The following HDAC10 variants were observed in gnomAD, a reference collection of about 807,000 sequenced individuals.
The protein encoded by HDAC10 is polyamine deacetylase HDAC10.
HDAC10 carries 90 observed loss-of-function variants against 82.3 expected under a neutral mutation model. That is an observed-to-expected ratio of 1.09 (90% CI 0.92 to 1.30). The LOEUF is 1.30. Ranked by LOEUF, HDAC10 falls within the 50% of genes most tolerant of loss-of-function variation. HDAC10 has a pLI of 0.00. For synonymous variants in HDAC10, 456 were observed against 391.7 expected (o/e 1.16, Z -1.94); for missense variants, 934 against 876.3 (o/e 1.07, Z -0.83).
In HDAC10 at chr22:50,249,955, C is replaced by A; in HGVS notation, c.399G>T (p.Gly133=). Residue 133 remains glycine, a synonymous_variant, in exon 5 of 20, where the codon GGG becomes GGT. Transcript: ENST00000216271. The surrounding 1 kb of genome is among the most constrained non-coding windows in gnomAD (Gnocchi z 4.4). ...QNGLALVRPP[G]HHGQRAAANG... Reference sequence around the variant, plus strand: ...TGGCAGCCGCCCTCTGGCCATGGTGCCCGGGAGGCCTACGGCGTGAGAGTA... The same window carrying A: ...TGGCAGCCGCCCTCTGGCCATGGTGACCGGGAGGCCTACGGCGTGAGAGTA... The A allele has an allele frequency of 1.2e-6, 2 of 1,612,640 alleles. No homozygotes were observed. Among genetic ancestry groups the A allele is most frequent in the South Asian group, 2.2e-5 (2 of 91,070 alleles).
chr22:50,250,068 C>T lies in HDAC10; in HGVS notation c.384G>A (p.Leu128=), dbSNP rs2147244405. The part of the protein sequence containing the change: ...LTGAVQNGLA[L]VRPPGHHGQR... ...GGGGAAGGGGCAGCTCTCACCTCAC[C>T]AGGGCAAGCCCATTTTGCACAGCTC... The change falls in exon 4 of 20, where the codon CTG becomes CTA. Residue 128 remains leucine, a synonymous_variant. Transcript: ENST00000216271. 1 of 1,612,696 alleles carries T rather than the reference C, an allele frequency of 6.2e-7. No homozygotes were observed. Among genetic ancestry groups the T allele is most frequent in the South Asian group, 1.1e-5 (1 of 91,090 alleles).
chr22:50,250,420 C>G lies in HDAC10; in HGVS notation c.291+7G>C, dbSNP rs1248288611. ...CTGCACAGGTGAGTGTGTCCGGGGACACGCACCGGGTGGAAGTAGATGGCG... is the reference window on the plus strand; with the variant it reads ...CTGCACAGGTGAGTGTGTCCGGGGAGACGCACCGGGTGGAAGTAGATGGCG... On this transcript the variant is annotated splice_region_variant and intron_variant, in intron 3 of 19. Transcript: ENST00000216271. The G allele has an allele frequency of 1.2e-6, 2 of 1,611,672 alleles. No homozygotes were observed. Among genetic ancestry groups the G allele is most frequent in the Non-Finnish European group, 1.7e-6 (2 of 1,178,786 alleles).
Position 50,245,303 on chromosome 22 carries a change from G to A in HDAC10, c.*204C>T. 2 of 615,308 alleles carry A rather than the reference G, an allele frequency of 3.3e-6. No individual in the cohort carries two copies. The highest frequency in any genetic ancestry group is 1.8e-5 in the South Asian group (1 of 54,258). 38.1% of individuals were successfully genotyped at this position (615,308 alleles called of 1,614,324 possible). On this transcript the variant is annotated 3_prime_UTR_variant, in exon 20 of 20. Transcript: ENST00000216271. ...GCCTCGATGGGACGGGCCGGGGCGCGATGGGTGGGGCGGGGGCGAGGTGAG... is the reference window on the plus strand; with the variant it reads ...GCCTCGATGGGACGGGCCGGGGCGCAATGGGTGGGGCGGGGGCGAGGTGAG...
Position 50,246,882 on chromosome 22 carries a change from C to T in HDAC10, c.1507G>A (p.Ala503Thr), listed in dbSNP as rs545428966. Residue 503 changes from alanine (A) to threonine (T), a missense_variant, in exon 15 of 20, where the codon GCC becomes ACC. Physicochemically the swap from Ala to Thr is moderately conservative, Grantham distance 58. Transcript: ENST00000216271. ...TGGCCAAGTGAGGCTTACCTCTGGG[C>T]TCCGTGGGACAGGCCTCTCCGAACA... ...VAVRRGLSHG[A>T]QRLLCVALGQ... is the part of the protein sequence containing the mutation. 4.3e-6 allele frequency: 7 copies of T among 1,611,514 alleles called. No individual in the cohort carries two copies. The Admixed American group carries it at 5.0e-5, about 12-fold the overall frequency.
In HDAC10 at chr22:50,246,742, G is replaced by C. The variant is rs760650979; in HGVS notation, c.1515-7C>G. On this transcript the variant is annotated splice_polypyrimidine_tract_variant and splice_region_variant and intron_variant, in intron 15 of 19. Transcript: ENST00000216271. ...CAGGGCCACGCACAGCAGCCTGGAA[G>C]AAGAGCTGGCCTCAGGACAGGTGTT... 3 of 1,612,756 alleles carry C rather than the reference G, an allele frequency of 1.9e-6. No individual in the cohort carries two copies. The African/African-American group carries it at 4.0e-5, about 22-fold the overall frequency.
Position 50,249,855 on chromosome 22 carries a change from C to T in HDAC10, c.494+5G>A. 1 of 1,611,034 alleles carries T rather than the reference C, an allele frequency of 6.2e-7. No homozygotes were observed. Among genetic ancestry groups the T allele is most frequent in the Non-Finnish European group, 8.5e-7 (1 of 1,178,378 alleles). On this transcript the variant is annotated splice_donor_5th_base_variant and intron_variant, in intron 5 of 19. Transcript: ENST00000216271. The surrounding 1 kb of genome is among the most constrained non-coding windows in gnomAD (Gnocchi z 4.4). ...CCACCCCCCTGCAGCCAGCCTGGCA[C>T]ACACCTGTGTAGCCCGTGTTTCTGC...
chr22:50,249,536 G>A lies in HDAC10; in HGVS notation c.564-82C>T, dbSNP rs902736094. On this transcript the variant is annotated intron_variant, in intron 6 of 19. Transcript: ENST00000216271. This position sits in a 1 kb window ranked among gnomAD's most constrained non-coding sequence, Gnocchi z 4.4. The stretch of plus-strand genomic sequence containing the variant: ...AGCTCCCTGTAGAACGCTGACCCCT[G>A]AGCACATGTCTGTATCTCACCCCTG... 2.4e-5 allele frequency: 39 copies of A among 1,605,454 alleles called. No individual in the cohort carries two copies. Among genetic ancestry groups the A allele is most frequent in the Non-Finnish European group, 3.2e-5 (38 of 1,174,580 alleles).
Position 50,247,068 on chromosome 22 carries a change from G to A in HDAC10, c.1423-102C>T, listed in dbSNP as rs1214000490. 7.6e-6 allele frequency: 5 copies of A among 660,332 alleles called. No homozygotes were observed. The East Asian group carries it at 1.1e-4, about 15-fold the overall frequency. 40.9% of individuals were successfully genotyped at this position (660,332 alleles called of 1,614,324 possible). A position where few individuals can be genotyped will look rare whatever the true frequency, so the allele number is the denominator to read the frequency against. On this transcript the variant is annotated intron_variant, in intron 14 of 19. Transcript: ENST00000216271. Reference sequence around the variant, plus strand: ...CATTCGGTGTGTCTCTGCGGCTACTGTCAGCCACACATCTTCTTACACTAA... The same window carrying A: ...CATTCGGTGTGTCTCTGCGGCTACTATCAGCCACACATCTTCTTACACTAA...
intron 16 of HDAC10, 143 bp from the exon 17 acceptor site, chr22:50,246,519 C>A: frequency 9.9e-7 from 1 of 1,009,396 alleles, no homozygotes; most frequent in South Asian, 1.4e-5. Context: ...ACCCACCTGG[C>A]ATTGCCTCCA....
In HDAC10 at chr22:50,248,838, T is replaced by A; in HGVS notation, c.809A>T (p.Asp270Val). 1 of 1,610,686 alleles carries A rather than the reference T, an allele frequency of 6.2e-7. No homozygotes were observed. Among genetic ancestry groups the A allele is most frequent in the East Asian group, 2.2e-5 (1 of 44,810 alleles). ...VSAGFDSAIG[D>V]PEGQMQATPE... The stretch of plus-strand genomic sequence containing the variant: ...GCAAGGCAAGGCCCTCACCTCAGGG[T>A]CCCCGATGGCTGAGTCAAATCCTGC... The change falls in exon 9 of 20, where the codon GAC (aspartate) becomes GTC (valine). Residue 270 changes from aspartate to valine, a missense_variant. Asp to Val is a radical substitution (Grantham distance 152). Coordinates refer to ENST00000216271, the MANE Select transcript of HDAC10 (RefSeq NM_032019.6). The surrounding 1 kb of genome is among the most constrained non-coding windows in gnomAD (Gnocchi z 5.4).
At chr22:50,246,227 C>A in intron 17 of HDAC10, 71 bp downstream of exon 17, 3 of 1,514,738 alleles carry the variant, frequency 2.0e-6, no homozygotes, top group Non-Finnish European at 2.7e-6. Flanking sequence ...CATGACAATG[C>A]CAGCAAACAG....
At position 50,246,924 on chromosome 22, in the gene HDAC10, C is replaced by G. The variant is rs1292671663; in HGVS notation, c.1465G>C (p.Ala489Pro). 1 of 1,612,116 alleles carries G rather than the reference C, an allele frequency of 6.2e-7. No homozygotes were observed. Among genetic ancestry groups the G allele is most frequent in the Non-Finnish European group, 8.5e-7 (1 of 1,179,196 alleles). The change falls in exon 15 of 20, where the codon GCC becomes CCC. Residue 489 changes from alanine (A) to proline (P), a missense_variant. Ala to Pro is a conservative substitution (Grantham distance 27). Coordinates refer to ENST00000216271, the MANE Select transcript of HDAC10 (RefSeq NM_032019.6). ...IAATPASAAAATLDVAVRRGL... is the reference protein window; with the variant it reads ...IAATPASAAAPTLDVAVRRGL... ...CTCCGAACAGCCACATCCAGGGTGG[C>G]TGCTGCAGCAGAGGCTGGAGTGGCT...
Position 50,245,682 on chromosome 22 carries a change from A to G in HDAC10, c.1979T>C (p.Met660Thr). The G allele has an allele frequency of 1.2e-6, 2 of 1,613,004 alleles. No homozygotes were observed. The highest frequency in any genetic ancestry group is 1.7e-6 in the Non-Finnish European group (2 of 1,179,868). ...LRGQLEPQWK[M>T]LQCHPHLVA The stretch of plus-strand genomic sequence containing the variant: ...CTCCGCAGTCAGCCTCACCTGCAAC[A>G]TCTTCCACTGAGGCTCCAGCTGCCC... The change falls in exon 19 of 20, where the codon ATG becomes ACG. Residue 660 changes from methionine (M) to threonine (T), a missense_variant. By Grantham distance (81) the Met-to-Thr change is moderately conservative. Transcript: ENST00000216271.
Position 50,247,931 on chromosome 22 carries a change from C to T in HDAC10, c.1296G>A (p.Gln432=). 6.2e-7 allele frequency: 1 copy of T among 1,612,854 alleles called. No individual in the cohort carries two copies. The highest frequency in any genetic ancestry group is 1.6e-4 in the Middle Eastern group (1 of 6,062). Residue 432 remains glutamine (Q), a synonymous_variant, in exon 13 of 20, where the codon CAG becomes CAA. Coordinates refer to ENST00000216271, the MANE Select transcript of HDAC10 (RefSeq NM_032019.6). The part of the protein sequence containing the change: ...TLVLPPDVIQ[Q]EASALREETE... ...TCTCCTCCCTCAGGGCTGACGCTTC[C>T]TGTTGGATGACGTCAGGGGGCAGAA...
Position 50,249,573 on chromosome 22 carries a change from G to A in HDAC10, c.563+62C>T, listed in dbSNP as rs1257362932. On this transcript the variant is annotated intron_variant, in intron 6 of 19. Coordinates refer to ENST00000216271, the MANE Select transcript of HDAC10 (RefSeq NM_032019.6). This position sits in a 1 kb window ranked among gnomAD's most constrained non-coding sequence, Gnocchi z 4.4. ...GTATCTCACCCCTGGATTTTCCCAG[G>A]CCAGGCTGTGCACCCAAAAACTGGG... 1.2e-6 allele frequency: 2 copies of A among 1,608,642 alleles called. No individual in the cohort carries two copies. Among genetic ancestry groups the A allele is most frequent in the Non-Finnish European group, 8.5e-7 (1 of 1,176,770 alleles).
At chr22:50,250,738 G>C in intron 2 of HDAC10, 33 bp downstream of exon 2, 1 of 1,533,546 alleles carries the variant, frequency 6.5e-7, no homozygotes, top group Non-Finnish European at 8.8e-7. Context: ...TGCCCGCCCC[G>C]CCCCCCATCG....
rs1450464439 is a variant in HDAC10 at position 50,248,750 on chromosome 22, C to T, written c.818G>A (p.Gly273Glu). 2.5e-6 allele frequency: 4 copies of T among 1,584,656 alleles called. No individual in the cohort carries two copies. The highest frequency in any genetic ancestry group is 2.3e-5 in the South Asian group (2 of 87,492). The change falls in exon 10 of 20, where the codon GGG (glycine) becomes GAG (glutamate). Residue 273 changes from glycine to glutamate, a missense_variant and splice_region_variant. Gly to Glu is a moderately conservative substitution (Grantham distance 98). Transcript: ENST00000216271. The surrounding 1 kb of genome is among the most constrained non-coding windows in gnomAD (Gnocchi z 5.4). ...GFDSAIGDPE[G>E]QMQATPECFA... ...GCACTCTGGCGTGGCCTGCATTTGCCCCTGGAACCAGAGCCATGTGTGATG... is the reference window on the plus strand; with the variant it reads ...GCACTCTGGCGTGGCCTGCATTTGCTCCTGGAACCAGAGCCATGTGTGATG...
At position 50,246,702 on chromosome 22, in the gene HDAC10, C is replaced by T. The variant is rs577972478; in HGVS notation, c.1548G>A (p.Arg516=). The T allele has an allele frequency of 4.6e-4, 745 of 1,611,850 alleles. 10 individuals carry two copies. In the South Asian group the frequency reaches 7.7e-3, roughly 17 times the overall value. The change falls in exon 16 of 20, where the codon CGG becomes CGA. Residue 516 remains arginine, a synonymous_variant. Transcript: ENST00000216271. ...LLCVALGQLD[R]PPDLAHDGRS... ...ACCCGTCATGGGCGAGGTCTGGAGG[C>T]CGGTCCAGCTGTCCCAGGGCCACGC...
intron 14 of HDAC10, 38 bp from the exon 15 acceptor site, chr22:50,247,004 C>G: frequency 7.3e-7 from 1 of 1,374,250 alleles, no homozygotes; most frequent in Non-Finnish European, 1.0e-6. Flanking sequence ...GAGGCACCAA[C>G]CAACTCCCAA....
Sources: allele counts gnomAD v4.1 joint callset, GRCh38; gene constraint gnomAD v4.1.1; non-coding constraint Gnocchi (gnomAD v3.1); transcripts MANE v1.5; gene names NCBI Gene and HGNC (gene_info 2026-07-23, HGNC 2026-07-21).